JAZF1: variants seen among roughly 807,000 people sequenced by gnomAD.
The protein encoded by JAZF1 is juxtaposed with another zinc finger protein 1.
Under a neutral mutation model 26.4 loss-of-function variants are expected in JAZF1, and 8 were observed. The ratio of observed to expected loss-of-function variants is 0.30; its 90% CI spans 0.18 to 0.55. JAZF1 has a LOEUF of 0.55. Among genes scored for constraint, JAZF1 ranks in the 20% least tolerant of loss-of-function variants. The pLI is 0.94. For synonymous variants in JAZF1, 126 were observed against 122.3 expected (o/e 1.03, Z -0.20); for missense variants, 199 against 322.0 (o/e 0.62, Z 2.92).
intron 1 of JAZF1, among the ~76,000 whole-genome samples, chr7:28,170,335 ATATGTGTGTGTG>A (rs1320228064): frequency 0.018 from 2,579 of 139,982 alleles, 25 homozygotes; most frequent in South Asian, 0.029. Flanking sequence ...AGAGAAGTTG[ATATGTGTGTGTG>A]TGTGTGTGTG....
At chr7:27,983,137 T>C (rs983906874) in intron 2 of JAZF1, among the ~76,000 whole-genome samples, 1 of 152,036 alleles carries the variant, frequency 6.6e-6, no homozygotes, top group African/African-American at 2.4e-5. Context: ...TGACCGGTAA[T>C]AACAAACTTC....
At chr7:27,846,215 T>C (rs1783027535) in intron 3 of JAZF1, among the ~76,000 whole-genome samples, 2 of 152,166 alleles carry the variant, frequency 1.3e-5, no homozygotes, top group South Asian at 4.1e-4. Flanking sequence ...TATTTTTCTG[T>C]GTCTGGCTTA....
chr7:27,881,815 G>A (rs1241477736), intron 3 of JAZF1, among the ~76,000 whole-genome samples: 1 of 152,156 alleles, frequency 6.6e-6, no homozygotes, highest in African/African-American at 2.4e-5. Context: ...ACTCTAGGCA[G>A]CCATTTTCAA....
At chr7:27,979,562 T>C (rs1371062613) in intron 2 of JAZF1, among the ~76,000 whole-genome samples, 1 of 151,872 alleles carries the variant, frequency 6.6e-6, no homozygotes, top group African/African-American at 2.4e-5. Flanking sequence ...GATCATATCT[T>C]TAAGTTATGT....
At chr7:27,898,364 G>A (rs1784108501) in intron 2 of JAZF1, among the ~76,000 whole-genome samples, 2 of 144,000 alleles carry the variant, frequency 1.4e-5, no homozygotes, top group South Asian at 4.4e-4. Flanking sequence ...CCAGGCTGGA[G>A]TGCAGTGGCA....
intron 2 of JAZF1, among the ~76,000 whole-genome samples, chr7:27,920,320 CTTTA>C (rs1290735642): frequency 1.3e-5 from 2 of 152,130 alleles, no homozygotes; most frequent in African/African-American, 4.8e-5. Flanking sequence ...TCAAGGGAGT[CTTTA>C]TTTAGCTTTG....
intron 4 of JAZF1, among the ~76,000 whole-genome samples, chr7:27,839,824 T>C (rs1782887455): frequency 6.6e-6 from 1 of 152,186 alleles, no homozygotes; most frequent in South Asian, 2.1e-4. Flanking sequence ...GCTTATGCTA[T>C]CTTTTTTTTT....
At chr7:28,150,840 A>G (rs1783101968) in intron 1 of JAZF1, among the ~76,000 whole-genome samples, 1 of 152,244 alleles carries the variant, frequency 6.6e-6, no homozygotes, top group African/African-American at 2.4e-5. Context: ...TCCACCAGTC[A>G]TTTAAGTGTC....
At chr7:27,893,044 G>A (rs1441373247) in intron 3 of JAZF1, among the ~76,000 whole-genome samples, 3 of 152,084 alleles carry the variant, frequency 2.0e-5, no homozygotes, top group Admixed American at 1.3e-4. Context: ...TTGAACACAC[G>A]GTGTCTGTCA....
intron 1 of JAZF1, among the ~76,000 whole-genome samples, chr7:28,138,459 G>C (rs1472858688): frequency 3.3e-5 from 5 of 152,196 alleles, no homozygotes; most frequent in Non-Finnish European, 5.9e-5. Context: ...TAATTATTAA[G>C]TTGCTATGCC....
chr7:28,072,502 T>C (rs1164042468), intron 1 of JAZF1, among the ~76,000 whole-genome samples: 5 of 152,244 alleles, frequency 3.3e-5, no homozygotes, highest in Admixed American at 2.0e-4. Context: ...AAGTCAGGTC[T>C]TGTAATGTAA....
At chr7:28,152,835 T>C (rs1158553625) in intron 1 of JAZF1, among the ~76,000 whole-genome samples, 2 of 152,088 alleles carry the variant, frequency 1.3e-5, no homozygotes, top group Non-Finnish European at 2.9e-5. Context: ...CTGCAAAAAA[T>C]GGCAGTGGAA....
rs1196046566 is a variant in JAZF1, at chr7:28,027,197, C to G, written c.116-35216G>C. ...CCCCATGCCAGTCTCAGGGGCTGCC[C>G]CACAAGTGGCTCACTTGGGGATAAG... On this transcript the variant is annotated intron_variant, in intron 1 of 4. Coordinates refer to ENST00000283928, the MANE Select transcript of JAZF1 (RefSeq NM_175061.4). Among the ~76,000 whole-genome samples, 3 of 152,288 alleles carry G rather than the reference C, an allele frequency of 2.0e-5. No individual in the cohort carries two copies. In the South Asian group the frequency reaches 6.2e-4, roughly 32 times the overall value.
At chr7:28,152,341 GA>G (rs1783124339) in intron 1 of JAZF1, among the ~76,000 whole-genome samples, 1 of 152,108 alleles carries the variant, frequency 6.6e-6, no homozygotes, top group African/African-American at 2.4e-5. Flanking sequence ...CCTGTATTTG[GA>G]ATAAATCAAA....
intron 1 of JAZF1, among the ~76,000 whole-genome samples, chr7:28,081,043 C>A (rs888440274): frequency 6.6e-6 from 1 of 151,990 alleles, no homozygotes; most frequent in African/African-American, 2.4e-5. Flanking sequence ...GAGTAGTAAG[C>A]TGGTAAATTA....
intron 1 of JAZF1, among the ~76,000 whole-genome samples, chr7:28,082,905 C>A (rs1343415458): frequency 6.6e-6 from 1 of 152,198 alleles, no homozygotes; most frequent in African/African-American, 2.4e-5. Context: ...CAGCTCAGAA[C>A]CCACCAGTGC....
In JAZF1 at chr7:27,982,949, T is replaced by C. The variant is rs561928460; in HGVS notation, c.188+8960A>G. Among the ~76,000 whole-genome samples, 5 of 152,288 alleles carry C rather than the reference T, an allele frequency of 3.3e-5. No individual in the cohort carries two copies. In the East Asian group the frequency reaches 5.8e-4, roughly 18 times the overall value. ...CCAAAACCCCATCTGTACGTCACCA[T>C]TGTCAAAGACCAAAGATAGATAAAA... On this transcript the variant is annotated intron_variant, in intron 2 of 4. Transcript: ENST00000283928.
chr7:27,923,917 T>C (rs745426321), intron 2 of JAZF1, among the ~76,000 whole-genome samples: 37 of 152,122 alleles, frequency 2.4e-4, no homozygotes, highest in Non-Finnish European at 4.6e-4. Context: ...GAAACAGAAA[T>C]GAATTAGTTT....
chr7:27,957,454 G>A (rs990895041), intron 2 of JAZF1, among the ~76,000 whole-genome samples: 5 of 152,174 alleles, frequency 3.3e-5, no homozygotes, highest in Non-Finnish European at 2.9e-5. Context: ...TTCAAACGAC[G>A]CAGCTGGTGT....
Sources: allele counts gnomAD v4.1 joint callset (sites outside exome capture counted in the v4.1 genomes callset), GRCh38; gene constraint gnomAD v4.1.1; transcripts MANE v1.5; gene names NCBI Gene and HGNC (gene_info 2026-07-23, HGNC 2026-07-21).